The following GARIN6 variants were observed in gnomAD, a reference collection of about 807,000 sequenced individuals.
The protein encoded by GARIN6 is golgi associated RAB2 interactor family member 6.
the GARIN6 span, chr12:99,648,565 C>T: frequency 5.0e-6 from 8 of 1,614,134 alleles, no homozygotes; most frequent in Non-Finnish European, 5.9e-6. Flanking sequence ...AATAACCATC[C>T]ACAACAGCGT....
the GARIN6 span, chr12:99,649,253 G>A: frequency 1.3e-6 from 2 of 1,482,668 alleles, no homozygotes; most frequent in Non-Finnish European, 9.4e-7. Flanking sequence ...GATCTTGCTG[G>A]TCTCACTGTC....
the GARIN6 span, chr12:99,647,863 C>T: frequency 5.9e-6 from 2 of 341,616 alleles, no homozygotes; most frequent in African/African-American, 2.0e-5. Flanking sequence ...AAATGGAGGT[C>T]CCTCCCGAAT....
the GARIN6 span, chr12:99,648,482 C>T: frequency 6.2e-7 from 1 of 1,614,124 alleles, no homozygotes; most frequent in Non-Finnish European, 8.5e-7. Context: ...TGTGGTCCTG[C>T]CACCCAGAAA....
At chr12:99,648,920 G>T in the GARIN6 span, 1 of 1,270,292 alleles carries the variant, frequency 7.9e-7, no homozygotes, top group South Asian at 1.6e-5. Flanking sequence ...GGCCAAATGA[G>T]CTTCCATTTG....
the GARIN6 span, chr12:99,647,900 A>G: frequency 4.7e-6 from 2 of 429,420 alleles, no homozygotes; most frequent in Non-Finnish European, 8.3e-6. Flanking sequence ...GTGCCCGGAC[A>G]TCCACGAGGG....
chr12:99,649,832 T>C, the GARIN6 span: 1 of 155,672 alleles, frequency 6.4e-6, no homozygotes, highest in South Asian at 1.9e-4. Context: ...AAAGGCTGAC[T>C]CTCTGCTACT....
At chr12:99,648,011 C>G in the GARIN6 span, 1 of 958,222 alleles carries the variant, frequency 1.0e-6, no homozygotes. Flanking sequence ...GTAATCAATA[C>G]CCCACCCTCC....
At chr12:99,649,840 A>G in the GARIN6 span, 1 of 157,222 alleles carries the variant, frequency 6.4e-6, no homozygotes, top group African/African-American at 2.4e-5. Context: ...ACTCTCTGCT[A>G]CTCAGCATTG....
At chr12:99,648,662 T>C in the GARIN6 span, 11 of 1,614,106 alleles carry the variant, frequency 6.8e-6, no homozygotes, top group East Asian at 2.2e-4. Flanking sequence ...GAAGACCTTT[T>C]TGTTCACTGG....
the GARIN6 span, chr12:99,649,564 G>A: frequency 1.7e-6 from 1 of 585,046 alleles, no homozygotes; most frequent in Non-Finnish European, 3.0e-6. Context: ...TGCAGACTCA[G>A]GAGAGAAACA....
chr12:99,648,148 G>A, the GARIN6 span: 2 of 1,584,992 alleles, frequency 1.3e-6, no homozygotes, highest in Non-Finnish European at 1.7e-6. Flanking sequence ...AGCAGCTGCT[G>A]GGAACTGTCT....
At chr12:99,648,171 A>G in the GARIN6 span, 48 of 1,607,660 alleles carry the variant, frequency 3.0e-5, no homozygotes, top group Non-Finnish European at 4.0e-5. Context: ...ATTTAAAGGA[A>G]GACATGGAGG....
chr12:99,648,207 G>C, the GARIN6 span: 1 of 1,614,104 alleles, frequency 6.2e-7, no homozygotes, highest in South Asian at 1.1e-5. Flanking sequence ...CGTATTACAC[G>C]GCCCAAAGCA....
At chr12:99,648,921 C>A in the GARIN6 span, 3 of 1,269,856 alleles carry the variant, frequency 2.4e-6, no homozygotes, top group Non-Finnish European at 2.1e-6. Context: ...GCCAAATGAG[C>A]TTCCATTTGG....
At chr12:99,649,380 T>C in the GARIN6 span, 2 of 1,612,552 alleles carry the variant, frequency 1.2e-6, no homozygotes, top group South Asian at 2.2e-5. Flanking sequence ...CCTATTGTGA[T>C]TATACAATAG....
the GARIN6 span, chr12:99,648,635 C>G: frequency 3.1e-6 from 5 of 1,614,220 alleles, no homozygotes; most frequent in Non-Finnish European, 4.2e-6. Context: ...CAGCTGTGTC[C>G]TCCATCGGAT....
At chr12:99,648,890 T>A in the GARIN6 span, 1 of 1,433,260 alleles carries the variant, frequency 7.0e-7, no homozygotes, top group Non-Finnish European at 9.3e-7. Context: ...GGGAAATGCA[T>A]TGCATTTGGA....
At chr12:99,648,812 T>C in the GARIN6 span, 1 of 1,595,036 alleles carries the variant, frequency 6.3e-7, no homozygotes, top group Non-Finnish European at 8.6e-7. Context: ...AGAGACTAGA[T>C]GGGGCCTGGA....
At chr12:99,648,363 C>T in the GARIN6 span, 3 of 1,614,210 alleles carry the variant, frequency 1.9e-6, no homozygotes, top group Non-Finnish European at 8.5e-7. Context: ...TTGACGTGCA[C>T]AACCGTGCCC....
Sources: allele counts gnomAD v4.1 joint callset, GRCh38; gene constraint gnomAD v4.1.1; transcripts MANE v1.5; gene names NCBI Gene and HGNC (gene_info 2026-07-23, HGNC 2026-07-21).